Variants in BMP2K observed in about 807,000 individuals in gnomAD.
BMP2K encodes the protein BMP-2-inducible protein kinase.
BMP2K carries 74 observed loss-of-function variants against 116.0 expected under a neutral mutation model. The ratio of observed to expected loss-of-function variants is 0.64; its 90% confidence interval spans 0.53 to 0.77. BMP2K has a LOEUF of 0.77. Ranked by LOEUF, BMP2K falls within the 30% of genes least tolerant of loss-of-function variation. The pLI is 0.00. For synonymous variants in BMP2K, 486 were observed against 502.5 expected, an observed-to-expected ratio of 0.97 and a Z score of 0.44; for missense variants, 1,365 against 1,403.6, an observed-to-expected ratio of 0.97 and a Z score of 0.44.
chr4:78,831,115 CAG>C (rs1237560933), intron 2 of BMP2K, among the ~76,000 whole-genome samples: 2 of 152,146 alleles, frequency 1.3e-5, no homozygotes, highest in Non-Finnish European at 2.9e-5. Context: ...TGTTTTATGA[CAG>C]AGGGAACCCC....
intron 7 of BMP2K, among the ~76,000 whole-genome samples, chr4:78,853,643 A>C (rs1731365426): frequency 1.3e-5 from 2 of 152,180 alleles, no homozygotes; most frequent in Admixed American, 1.3e-4. Flanking sequence ...TGCAGAGATT[A>C]AGAGCAAGAC....
chr4:78,777,355 C>T (rs542974407), intron 1 of BMP2K, among the ~76,000 whole-genome samples: 1 of 152,254 alleles, frequency 6.6e-6, no homozygotes, highest in East Asian at 1.9e-4. Context: ...TCATGCCCTC[C>T]CAGTATGTCT....
At chr4:78,860,549 T>C (rs963128375) in intron 8 of BMP2K, among the ~76,000 whole-genome samples, 5 of 151,832 alleles carry the variant, frequency 3.3e-5, no homozygotes, top group Non-Finnish European at 5.9e-5. Flanking sequence ...TTCAAAAGCT[T>C]TCAATTTTAT....
chr4:78,837,882 G>A (rs546418413), intron 3 of BMP2K, among the ~76,000 whole-genome samples: 65 of 152,270 alleles, frequency 4.3e-4, no homozygotes, highest in African/African-American at 1.4e-3. Context: ...GCCTCAAGCA[G>A]TCCTCCCACC....
Position 78,865,713 on chromosome 4 carries a change from AC to A in BMP2K, c.1226del (p.Pro409GlnfsTer5). 6.2e-7 allele frequency: 1 copy of A among 1,613,968 alleles called. No homozygotes were observed. Among genetic ancestry groups the A allele is most frequent in the Non-Finnish European group, 8.5e-7 (1 of 1,179,908 alleles). On this transcript the variant is annotated frameshift_variant, in exon 10 of 16. Transcript: ENST00000502613. LOFTEE classifies it high-confidence loss of function. Reference protein sequence around the residue: ...LAPGEFGNHRPKGALRPGNGP... With the variant: ...LAPGEFGNHRXKGALRPGNGP... The stretch of plus-strand genomic sequence containing the variant: ...CTCCTGGTGAATTCGGTAACCATAG[AC>A]CAAAAGGTAATAGAGCCCCGCCAAC...
chr4:78,803,098 C>T (rs1728650627), intron 1 of BMP2K, among the ~76,000 whole-genome samples: 1 of 152,114 alleles, frequency 6.6e-6, no homozygotes, highest in Non-Finnish European at 1.5e-5. Context: ...GATCCACCCT[C>T]CTCGGCCTCC....
chr4:78,899,306 G>T (rs1733875982), intron 15 of BMP2K, among the ~76,000 whole-genome samples: 1 of 152,268 alleles, frequency 6.6e-6, no homozygotes, highest in South Asian at 2.1e-4. Context: ...GCAGATTTTT[G>T]TTTCAGCAAA....
At chr4:78,831,634 ATGT>A (rs1377090389) in intron 2 of BMP2K, among the ~76,000 whole-genome samples, 6 of 152,182 alleles carry the variant, frequency 3.9e-5, no homozygotes, top group African/African-American at 1.4e-4. Flanking sequence ...TCATGCTCTA[ATGT>A]TGTTTTTCTG....
intron 14 of BMP2K, among the ~76,000 whole-genome samples, chr4:78,886,609 C>T (rs1426758161): frequency 6.6e-6 from 1 of 151,928 alleles, no homozygotes; most frequent in African/African-American, 2.4e-5. Flanking sequence ...AATCAATAAA[C>T]TCTGTTTTTG....
intron 6 of BMP2K, among the ~76,000 whole-genome samples, chr4:78,848,438 G>A (rs1731107302): frequency 6.6e-6 from 1 of 151,384 alleles, no homozygotes; most frequent in Admixed American, 6.6e-5. Flanking sequence ...ATAAAATCAA[G>A]GTGTTAGAAG....
At chr4:78,846,537 C>G (rs1218809925) in intron 5 of BMP2K, among the ~76,000 whole-genome samples, 3 of 151,594 alleles carry the variant, frequency 2.0e-5, no homozygotes, top group Non-Finnish European at 4.4e-5. Flanking sequence ...AGCACTACTT[C>G]ATTAAAATGT....
At chr4:78,824,248 T>A (rs1729766064) in intron 1 of BMP2K, among the ~76,000 whole-genome samples, 1 of 152,216 alleles carries the variant, frequency 6.6e-6, no homozygotes, top group Non-Finnish European at 1.5e-5. Context: ...TATGTACTGA[T>A]TCTGGAGTTT....
intron 1 of BMP2K, among the ~76,000 whole-genome samples, chr4:78,808,512 C>T (rs749351225): frequency 1.4e-4 from 22 of 152,094 alleles, no homozygotes; most frequent in Non-Finnish European, 2.9e-4. Flanking sequence ...GTGATCCGTC[C>T]GCCTCAGCCT....
At chr4:78,829,792 C>CTTTTCTTTTCTCTT (rs58007596) in intron 2 of BMP2K, among the ~76,000 whole-genome samples, 5 of 63,414 alleles carry the variant, frequency 7.9e-5, no homozygotes, top group South Asian at 6.1e-4. Context: ...TTTCTTTTCT[C>CTTTTCTTTTCTCTT]TTCTCTTCTC....
At position 78,911,754 on chromosome 4, in the gene BMP2K, C is replaced by A; in HGVS notation, c.3207C>A (p.Phe1069Leu). 6.2e-7 allele frequency: 1 copy of A among 1,614,014 alleles called. No individual in the cohort carries two copies. The highest frequency in any genetic ancestry group is 8.5e-7 in the Non-Finnish European group (1 of 1,179,888). ...LQPEESLLDP[F>L]GAKPFHSPDL... ...CTGAGGAGAGCCTGTTGGACCCCTT[C>A]GGTGCCAAGCCCTTCCATTCTCCAG... is the stretch of plus-strand genomic sequence containing the variant. Residue 1069 changes from phenylalanine to leucine, a missense_variant, in exon 16 of 16, where the codon TTC becomes TTA. By Grantham distance (22) the Phe-to-Leu change is conservative. Coordinates refer to ENST00000502613, the MANE Select transcript of BMP2K (RefSeq NM_198892.2).
chr4:78,839,705 C>T (rs1577915580), intron 3 of BMP2K, among the ~76,000 whole-genome samples: 2 of 152,066 alleles, frequency 1.3e-5, no homozygotes, highest in African/African-American at 4.8e-5. Context: ...AGCTGAGGAG[C>T]AAGGAAGCCA....
rs570366153 is a variant in BMP2K at position 78,905,936 on chromosome 4, A to G, written c.2063-4674A>G. 7.7e-4 allele frequency among the ~76,000 whole-genome samples: 117 copies of G among 152,188 alleles called. 1 individual carries two copies. The South Asian group carries it at 0.022, about 29-fold the overall frequency. ...ATTGTATAGTTATAACCAACTTTAT[A>G]ACTTAAAATACTTATTCTGACAGTC... On this transcript the variant is annotated intron_variant, in intron 15 of 15. Transcript: ENST00000502613.
rs752692166 is a variant in BMP2K, at chr4:78,870,949, G to GCAGCAA, written c.1410_1415dup (p.Gln485_Gln486dup). On this transcript the variant is annotated inframe_insertion, in exon 11 of 16. Coordinates refer to ENST00000502613, the MANE Select transcript of BMP2K (RefSeq NM_198892.2). ...CTCACCAGCAGCAGCAGCAGCAGCA[G>GCAGCAA]CAGCAACAGCAACAGCAGCAGCAGC... The GCAGCAA allele has an allele frequency of 1.6e-5, 25 of 1,610,320 alleles. No individual in the cohort carries two copies. Among genetic ancestry groups the GCAGCAA allele is most frequent in the South Asian group, 7.7e-5 (7 of 90,880 alleles).
At position 78,817,829 on chromosome 4, in the gene BMP2K, G is replaced by A. The variant is rs368294719; in HGVS notation, c.179-8208G>A. On this transcript the variant is annotated intron_variant, in intron 1 of 15. Coordinates refer to ENST00000502613, the MANE Select transcript of BMP2K (RefSeq NM_198892.2). ...CAGCCCCATTCTGAAGCTATGTAGG[G>A]GCCCCATGATGACTTAACCTCTTAG... Among the ~76,000 whole-genome samples, 25 of 152,144 alleles carry A rather than the reference G, an allele frequency of 1.6e-4. 1 individual carries two copies. In the East Asian group the frequency reaches 4.2e-3, roughly 26 times the overall value.
Sources: allele counts gnomAD v4.1 joint callset (sites outside exome capture counted in the v4.1 genomes callset), GRCh38; gene constraint gnomAD v4.1.1; transcripts MANE v1.5; gene names NCBI Gene and HGNC (gene_info 2026-07-23, HGNC 2026-07-21).